CPLX2: variants seen among roughly 807,000 people sequenced by gnomAD.
CPLX2 encodes complexin 2.
CPLX2 carries 5 observed loss-of-function variants against 16.3 expected under a neutral mutation model. The ratio of observed to expected loss-of-function variants is 0.31; its 90% CI spans 0.16 to 0.64. The LOEUF (loss-of-function observed/expected upper bound fraction) is 0.64. Among genes scored for constraint, CPLX2 ranks in the 30% least tolerant of loss-of-function variants. The probability of loss-of-function intolerance (pLI) is 0.79; values close to 1 mark genes in which losing one functional copy is unlikely to be tolerated. For missense variants in CPLX2, 144 were observed against 181.4 expected, an observed-to-expected ratio of 0.79 and a Z score of 1.18; for synonymous variants, 89 against 73.2, an observed-to-expected ratio of 1.22 and a Z score of -1.10.
intron 1 of CPLX2, among the ~76,000 whole-genome samples, chr5:175,801,568 C>T (rs1758097433): frequency 6.6e-6 from 1 of 152,190 alleles, no homozygotes; most frequent in Non-Finnish European, 1.5e-5. Context: ...CATTGAGAAG[C>T]TGTGTGGGTT....
At chr5:175,838,266 C>CTTTTTT (rs1156770920) in intron 2 of CPLX2, among the ~76,000 whole-genome samples, 7 of 116,782 alleles carry the variant, frequency 6.0e-5, no homozygotes, top group Non-Finnish European at 6.9e-5. Flanking sequence ...CCCCTCCTGT[C>CTTTTTT]TTTTTTTTTT....
chr5:175,797,472 G>A (rs1045432079), intron 1 of CPLX2, among the ~76,000 whole-genome samples: 1 of 152,278 alleles, frequency 6.6e-6, no homozygotes, highest in Non-Finnish European at 1.5e-5. Context: ...CGGCGGGGAG[G>A]AAGGAGTGCG....
chr5:175,797,506 C>T (rs533856318), intron 1 of CPLX2, among the ~76,000 whole-genome samples: 17 of 152,324 alleles, frequency 1.1e-4, no homozygotes, highest in Non-Finnish European at 2.1e-4. Flanking sequence ...CCTCCAGACC[C>T]CCACCCCATC....
rs973856179 is a variant in CPLX2 at position 175,836,345 on chromosome 5, G to A, written c.-89+27277G>A. 2.1e-3 allele frequency among the ~76,000 whole-genome samples: 318 copies of A among 149,310 alleles called. 1 individual carries two copies. The highest frequency in any genetic ancestry group is 7.3e-3 in the African/African-American group (294 of 40,022). On this transcript the variant is annotated intron_variant, in intron 2 of 4. Coordinates refer to the CPLX2 transcript ENST00000359546. ...AGCCTGGGCGACAGAGCGAGACTCC[G>A]TCTCAAAATAAATAAATAAAATAAA...
intron 2 of CPLX2, among the ~76,000 whole-genome samples, chr5:175,858,497 G>T (rs1759302722): frequency 6.6e-6 from 1 of 152,244 alleles, no homozygotes; most frequent in African/African-American, 2.4e-5. Context: ...TGGGCAGCGT[G>T]AACAGATGCC....
Position 175,849,265 on chromosome 5 carries a change from G to A in CPLX2, c.-88-29387G>A, listed in dbSNP as rs1424278744. 2.6e-5 allele frequency among the ~76,000 whole-genome samples: 4 copies of A among 152,194 alleles called. No homozygotes were observed. The highest frequency in any genetic ancestry group is 9.7e-5 in the African/African-American group (4 of 41,440). ...CATTGTCACCAGCCAGCAGCTCAAA[G>A]GGATGTCCGGCTACCCTTGGGTGAG... On this transcript the variant is annotated intron_variant, in intron 2 of 4. Coordinates refer to the CPLX2 transcript ENST00000359546. The surrounding 1 kb of genome is among the most constrained non-coding windows in gnomAD (Gnocchi z 4.4).
chr5:175,797,843 C>A (rs1338379822), intron 1 of CPLX2, among the ~76,000 whole-genome samples: 2 of 152,188 alleles, frequency 1.3e-5, no homozygotes, highest in Admixed American at 1.3e-4. Context: ...AGGTTGAGGG[C>A]GTCTGTGAAG....
At chr5:175,871,433 C>CAGAGACAGAGAGAGAGAG (rs1759598582), upstream of CPLX2, 1 of 27,516 alleles carries the variant, frequency 3.6e-5, no homozygotes, top group Non-Finnish European at 6.3e-5. Flanking sequence ...GAGAGAGAGA[C>CAGAGACAGAGAGAGAGAG]AGAGAGAGAG....
chr5:175,842,562 C>T (rs1487827617), intron 2 of CPLX2, among the ~76,000 whole-genome samples: 1 of 152,208 alleles, frequency 6.6e-6, no homozygotes, highest in African/African-American at 2.4e-5. Context: ...ACCGTGGTGA[C>T]CCACATCACC....
Position 175,862,764 on chromosome 5 carries a change from G to A in CPLX2, c.-88-15888G>A, listed in dbSNP as rs1449187780. 2.0e-5 allele frequency among the ~76,000 whole-genome samples: 3 copies of A among 152,356 alleles called. No homozygotes were observed. In the East Asian group the frequency reaches 5.8e-4, roughly 29 times the overall value. ...ATAAGACCCAGAATGGAGTCTCTCT[G>A]GCCCTCTCTGCTCATGTGCCCTCAA... On this transcript the variant is annotated intron_variant, in intron 2 of 4. Coordinates refer to the CPLX2 transcript ENST00000359546.
At chr5:175,841,898 T>G (rs1758950788) in intron 2 of CPLX2, among the ~76,000 whole-genome samples, 1 of 152,202 alleles carries the variant, frequency 6.6e-6, no homozygotes, top group South Asian at 2.1e-4. Flanking sequence ...TGAGATAAAG[T>G]GTAAACATCC....
chr5:175,810,985 G>A (rs1758301766), intron 2 of CPLX2, among the ~76,000 whole-genome samples: 1 of 152,250 alleles, frequency 6.6e-6, no homozygotes, highest in Admixed American at 6.5e-5. Flanking sequence ...GCAGTGGGAT[G>A]AGATGGAAAG....
At chr5:175,843,326 C>A (rs61178423) in intron 2 of CPLX2, among the ~76,000 whole-genome samples, 39,194 of 152,114 alleles carry the variant, frequency 0.26, 5,935 homozygotes, top group African/African-American at 0.41. Flanking sequence ...GCTCCCAAGG[C>A]ACACACACTG....
At chr5:175,820,680 G>C (rs947103839) in intron 2 of CPLX2, among the ~76,000 whole-genome samples, 1 of 152,162 alleles carries the variant, frequency 6.6e-6, no homozygotes, top group Non-Finnish European at 1.5e-5. Context: ...CACAGCCCGT[G>C]TGACTGTCTC....
intron 2 of CPLX2, among the ~76,000 whole-genome samples, chr5:175,855,812 A>G (rs1759243858): frequency 6.6e-6 from 1 of 152,194 alleles, no homozygotes; most frequent in Non-Finnish European, 1.5e-5. Context: ...AGCTTGAGGG[A>G]AAGGAGATTC....
chr5:175,807,483 C>T (rs1440510860), intron 1 of CPLX2, among the ~76,000 whole-genome samples: 2 of 152,254 alleles, frequency 1.3e-5, no homozygotes, highest in African/African-American at 4.8e-5. Flanking sequence ...GTTCCCTGGG[C>T]AGACAGCAGG....
At chr5:175,802,724 C>T (rs75722727) in intron 1 of CPLX2, among the ~76,000 whole-genome samples, 7,674 of 152,318 alleles carry the variant, frequency 0.05, 268 homozygotes, top group Middle Eastern at 0.1. Context: ...GTCCCACCAT[C>T]TATAAAATGG....
At chr5:175,801,039 C>T (rs980496616) in intron 1 of CPLX2, among the ~76,000 whole-genome samples, 3 of 151,694 alleles carry the variant, frequency 2.0e-5, no homozygotes, top group Non-Finnish European at 2.9e-5. Context: ...GAGCAGCAGC[C>T]GCCAGGGGCA....
chr5:175,847,669 A>C (rs1759072866), intron 2 of CPLX2, among the ~76,000 whole-genome samples: 1 of 152,146 alleles, frequency 6.6e-6, no homozygotes, highest in African/African-American at 2.4e-5. Context: ...CAGACTCAAC[A>C]ACTCCTGCAG....
Sources: gnomAD v4.1 joint callset for allele counts (sites outside exome capture counted in the v4.1 genomes callset) on GRCh38, gnomAD v4.1.1 for gene constraint, Gnocchi (gnomAD v3.1) non-coding constraint, MANE v1.5 for transcripts, NCBI Gene and HGNC (gene_info 2026-07-23, HGNC 2026-07-21) for gene names.